ERICH6B: variants seen among roughly 807,000 people sequenced by gnomAD.
ERICH6B encodes the protein glutamate rich 6B.
ERICH6B carries 69 observed loss-of-function variants against 80.0 expected under a neutral mutation model. The ratio of observed to expected loss-of-function variants is 0.86; its 90% confidence interval spans 0.71 to 1.05. ERICH6B has a LOEUF of 1.05. Ranked by LOEUF, ERICH6B falls within the 50% of genes least tolerant of loss-of-function variation. ERICH6B has a pLI of 0.00. For missense variants in ERICH6B, 754 were observed against 796.1 expected (o/e 0.95, Z 0.64); for synonymous variants, 283 against 291.9 (o/e 0.97, Z 0.31).
At position 45,610,857 on chromosome 13, in the gene ERICH6B, G is replaced by GTGTA. The variant is rs147422113; in HGVS notation, c.-110-3243_-110-3242insTACA. Reference sequence around the variant, plus strand: ...ACTGTGTGTGTGTGTGTGTGTGTGTGTATATATATATTTATATATAATATA... The same window carrying GTGTA: ...ACTGTGTGTGTGTGTGTGTGTGTGTGTGTATATATATATATTTATATATAATATA... On this transcript the variant is annotated intron_variant, in intron 1 of 14. Coordinates refer to ENST00000298738, the MANE Select transcript of ERICH6B (RefSeq NM_182542.3). Among the ~76,000 whole-genome samples, 322 of 146,880 alleles carry GTGTA rather than the reference G, an allele frequency of 2.2e-3. 1 individual carries two copies. Among genetic ancestry groups the GTGTA allele is most frequent in the African/African-American group, 2.4e-3 (97 of 40,346 alleles).
chr13:45,575,326 T>G (rs1166982391), intron 7 of ERICH6B, among the ~76,000 whole-genome samples: 1 of 151,644 alleles, frequency 6.6e-6, no homozygotes, highest in African/African-American at 2.4e-5. Flanking sequence ...CTGAGGTGAG[T>G]GTGGGAGGGG....
intron 2 of ERICH6B, among the ~76,000 whole-genome samples, chr13:45,599,643 C>T (rs138315194): frequency 2.6e-5 from 4 of 152,268 alleles, no homozygotes; most frequent in Non-Finnish European, 4.4e-5. Context: ...CTGGAATCTC[C>T]TGTTTTCAGG....
chr13:45,544,044 A>T (rs954941468), intron 14 of ERICH6B, among the ~76,000 whole-genome samples: 1 of 152,164 alleles, frequency 6.6e-6, no homozygotes, highest in Non-Finnish European at 1.5e-5. Flanking sequence ...TGCGAGAGCC[A>T]CCATGCCCAG....
intron 2 of ERICH6B, among the ~76,000 whole-genome samples, chr13:45,597,485 A>G (rs897941696): frequency 5.3e-4 from 80 of 152,360 alleles, no homozygotes; most frequent in Middle Eastern, 6.8e-3. Flanking sequence ...TGACCAACAC[A>G]ATGGAAGGGG....
intron 5 of ERICH6B, among the ~76,000 whole-genome samples, chr13:45,585,547 T>C (rs1313788065): frequency 6.6e-6 from 1 of 152,190 alleles, no homozygotes; most frequent in African/African-American, 2.4e-5. Context: ...TGTTTCAATC[T>C]TTGTTCTAAT....
intron 7 of ERICH6B, among the ~76,000 whole-genome samples, chr13:45,579,527 A>C (rs1419358409): frequency 5.3e-5 from 8 of 152,102 alleles, no homozygotes; most frequent in African/African-American, 1.9e-4. Context: ...TTTAATAAAC[A>C]CTTACTGCAC....
At chr13:45,576,882 G>A (rs977748744) in intron 7 of ERICH6B, among the ~76,000 whole-genome samples, 6 of 152,320 alleles carry the variant, frequency 3.9e-5, no homozygotes, top group Admixed American at 3.3e-4. Flanking sequence ...AACATGTCAA[G>A]TGTAATAAGC....
At chr13:45,558,137 G>C (rs1874514397) in intron 11 of ERICH6B, among the ~76,000 whole-genome samples, 1 of 152,112 alleles carries the variant, frequency 6.6e-6, no homozygotes. Flanking sequence ...TTTCCTTGTA[G>C]AGATCTTTTA....
chr13:45,564,701 G>C (rs1874839726), intron 9 of ERICH6B, among the ~76,000 whole-genome samples: 1 of 152,186 alleles, frequency 6.6e-6, no homozygotes, highest in African/African-American at 2.4e-5. Flanking sequence ...TATAATGCAA[G>C]GACTTTTAAT....
At chr13:45,600,358 A>T (rs1437218835) in intron 2 of ERICH6B, among the ~76,000 whole-genome samples, 4 of 149,846 alleles carry the variant, frequency 2.7e-5, no homozygotes, top group African/African-American at 9.8e-5. Context: ...GTTTCATTTT[A>T]TTTTTTTTTT....
At chr13:45,586,856 T>C (rs1298565346) in intron 5 of ERICH6B, among the ~76,000 whole-genome samples, 1 of 151,668 alleles carries the variant, frequency 6.6e-6, no homozygotes, top group East Asian at 1.9e-4. Context: ...CTGAGGGGGG[T>C]CTGGGATGGG....
At chr13:45,607,121 A>G (rs944247819) in intron 2 of ERICH6B, among the ~76,000 whole-genome samples, 10 of 152,360 alleles carry the variant, frequency 6.6e-5, no homozygotes, top group African/African-American at 2.2e-4. Flanking sequence ...AACTTTTACA[A>G]TAAGTGGGAT....
intron 13 of ERICH6B, among the ~76,000 whole-genome samples, chr13:45,547,298 C>T (rs1874031394): frequency 6.6e-6 from 1 of 152,218 alleles, no homozygotes; most frequent in Non-Finnish European, 1.5e-5. Flanking sequence ...CTGTGGGGAG[C>T]AGATCCTGCT....
intron 11 of ERICH6B, among the ~76,000 whole-genome samples, chr13:45,553,345 G>T (rs779948578): frequency 6.6e-6 from 1 of 152,158 alleles, no homozygotes; most frequent in Admixed American, 6.5e-5. Flanking sequence ...CACGGTGGGC[G>T]CTGTGGTCAC....
chr13:45,590,036 G>A (rs1876093549), intron 4 of ERICH6B, among the ~76,000 whole-genome samples: 1 of 152,138 alleles, frequency 6.6e-6, no homozygotes, highest in Non-Finnish European at 1.5e-5. Context: ...CTGGTCCCGT[G>A]CTTTTTTTAG....
intron 2 of ERICH6B, among the ~76,000 whole-genome samples, chr13:45,603,902 A>G (rs1389686512): frequency 1.3e-5 from 2 of 152,206 alleles, no homozygotes; most frequent in Non-Finnish European, 2.9e-5. Flanking sequence ...GTGTAGCCCA[A>G]GGGCCTAGGG....
At chr13:45,545,132 C>T in intron 13 of ERICH6B, 147 bp from the exon 14 acceptor site, 1 of 677,126 alleles carries the variant, frequency 1.5e-6, no homozygotes, top group Non-Finnish European at 2.5e-6. Context: ...ACATGGACAA[C>T]CAACCCAACA....
chr13:45,610,120 C>T (rs969446149), intron 1 of ERICH6B, among the ~76,000 whole-genome samples: 2 of 152,172 alleles, frequency 1.3e-5, no homozygotes, highest in African/African-American at 4.8e-5. Context: ...AGCCATTATT[C>T]TGGAGGTCAC....
chr13:45,588,454 G>A (rs1411294131), intron 4 of ERICH6B, among the ~76,000 whole-genome samples: 2 of 152,198 alleles, frequency 1.3e-5, no homozygotes, highest in Non-Finnish European at 2.9e-5. Flanking sequence ...GCGGATGCAG[G>A]TGAGTTCCTT....
Sources: gnomAD v4.1 joint callset for allele counts (sites outside exome capture counted in the v4.1 genomes callset) on GRCh38, gnomAD v4.1.1 for gene constraint, MANE v1.5 for transcripts, NCBI Gene and HGNC (gene_info 2026-07-23, HGNC 2026-07-21) for gene names.